The following KALRN variants were observed in gnomAD, a reference collection of about 807,000 sequenced individuals.
The protein encoded by KALRN is kalirin RhoGEF kinase.
A neutral mutation model predicts 353.7 loss-of-function variants in KALRN; 70 were observed. The observed-to-expected ratio is 0.20, with a 90% confidence interval of 0.16 to 0.24. The LOEUF (loss-of-function observed/expected upper bound fraction) is 0.24, where lower values mean the gene tolerates loss of function less well. Among genes scored for constraint, KALRN ranks in the 10% least tolerant of loss-of-function variants. The pLI, the probability that KALRN is intolerant of heterozygous loss-of-function variation, is 1.00. For synonymous variants in KALRN, 1,391 were observed against 1,434.8 expected (o/e 0.97, Z 0.69); for missense variants, 2,791 against 3,756.7 (o/e 0.74, Z 6.72).
At chr3:124,416,415 C>T (rs1272483252) in intron 14 of KALRN, among the ~76,000 whole-genome samples, 4 of 152,220 alleles carry the variant, frequency 2.6e-5, no homozygotes, top group Admixed American at 2.6e-4. Context: ...GGCTGCCCAC[C>T]CCCACAATAT....
At chr3:124,132,419 G>T (rs1407403004) in intron 1 of KALRN, among the ~76,000 whole-genome samples, 5 of 152,224 alleles carry the variant, frequency 3.3e-5, no homozygotes. Context: ...AAGAAACTTA[G>T]TGAGAGGGAG....
At chr3:124,519,624 G>T in intron 33 of KALRN, 2 of 985,396 alleles carry the variant, frequency 2.0e-6, no homozygotes, top group South Asian at 4.7e-5. Context: ...ATCTTATTGT[G>T]AGGATGTGAC....
chr3:124,245,867 T>C (rs563197516), intron 3 of KALRN, among the ~76,000 whole-genome samples: 24 of 152,296 alleles, frequency 1.6e-4, no homozygotes, highest in African/African-American at 4.3e-4. Flanking sequence ...ATCAGATTAC[T>C]TATTTTATGA....
At chr3:124,635,201 A>G (rs1003079650) in intron 36 of KALRN, among the ~76,000 whole-genome samples, 1 of 152,110 alleles carries the variant, frequency 6.6e-6, no homozygotes, top group African/African-American at 2.4e-5. Context: ...GGTTCCTGAG[A>G]CAGAAGTGCT....
chr3:124,041,518 G>A (rs1013744773), intron 1 of KALRN, among the ~76,000 whole-genome samples: 8 of 152,176 alleles, frequency 5.3e-5, no homozygotes, highest in Admixed American at 5.2e-4. Flanking sequence ...GGTTTCCCAA[G>A]GGGACTGGAT....
chr3:124,674,740 A>C, intron 49 of KALRN, 126 bp downstream of exon 49: 1 of 1,075,798 alleles, frequency 9.3e-7, no homozygotes, highest in Non-Finnish European at 1.3e-6. Context: ...CAACAGTACC[A>C]CAGAACCAGT....
At chr3:124,357,260 T>G (rs901341374) in intron 10 of KALRN, among the ~76,000 whole-genome samples, 2 of 152,226 alleles carry the variant, frequency 1.3e-5, no homozygotes, top group Non-Finnish European at 2.9e-5. Flanking sequence ...ATCTCTTGCT[T>G]GGAATACTGC....
rs368490476 is a variant in KALRN, at chr3:124,493,073, T to C, written c.4832+191T>C. Among the ~76,000 whole-genome samples the C allele has an allele frequency of 4.6e-5, 7 of 152,350 alleles. No homozygotes were observed. In the East Asian group the frequency reaches 5.8e-4, roughly 13 times the overall value. On this transcript the variant is annotated intron_variant, in intron 32 of 59. Transcript: ENST00000682506. ...TAGTGTCAAATTCAGCAGGGCTTCA[T>C]TGAGCACCTCTTATATGATAAACAC...
At position 124,413,566 on chromosome 3, in the gene KALRN, C is replaced by T. The variant is rs758760625; in HGVS notation, c.2443C>T (p.Arg815Cys). The T allele has an allele frequency of 6.0e-5, 97 of 1,613,928 alleles. No individual in the cohort carries two copies. Among genetic ancestry groups the T allele is most frequent in the Non-Finnish European group, 7.8e-5 (92 of 1,179,976 alleles). The change falls in exon 14 of 60, where the codon CGC (arginine) becomes TGC (cysteine). Residue 815 changes from arginine to cysteine, a missense_variant. Around this residue, in one of 11 missense-constraint regions of KALRN, gnomAD observed 452 missense variants for 575.8 expected, o/e 0.78. Transcript: ENST00000682506. ...DLTLAEQRLQ[R>C]HTERKLAMNN... ...AACCCTGGCAGAACAGCGGCTGCAG[C>T]GCCACACAGAACGGAAGCTAGCCAT...
At position 124,473,588 on chromosome 3, in the gene KALRN, A is replaced by G. The variant is rs576619123; in HGVS notation, c.4032-1075A>G. On this transcript the variant is annotated intron_variant, in intron 25 of 59. Transcript: ENST00000682506. ...CCAGAGTTCTTCCATATGAAAACAT[A>G]GAGAGCTGTGTCTTCTTTTCATAGC... Among the ~76,000 whole-genome samples the G allele has an allele frequency of 2.0e-5, 3 of 152,334 alleles. No homozygotes were observed. In the South Asian group the frequency reaches 6.2e-4, roughly 32 times the overall value.
In KALRN at chr3:124,717,358, C is replaced by T. The variant is rs2063175578; in HGVS notation, c.8388C>T (p.Asn2796=). Residue 2796 remains asparagine, a synonymous_variant, in exon 59 of 60, where the codon AAC becomes AAT. Coordinates refer to ENST00000682506, the MANE Select transcript of KALRN (RefSeq NM_001388419.1). ...TGGAGGCTCTGCAGTACCTTCACAA[C>T]TGCAGGGTTGCACATTTGGACATAA... ...DIMEALQYLH[N]CRVAHLDIKP... 1.9e-6 allele frequency: 3 copies of T among 1,608,372 alleles called. No individual in the cohort carries two copies. Among genetic ancestry groups the T allele is most frequent in the African/African-American group, 1.3e-5 (1 of 74,646 alleles).
chr3:124,105,962 T>C (rs936704595), intron 1 of KALRN, among the ~76,000 whole-genome samples: 1 of 152,238 alleles, frequency 6.6e-6, no homozygotes, highest in Non-Finnish European at 1.5e-5. Context: ...ACTGACAGTA[T>C]TCCAGGGACA....
intron 1 of KALRN, among the ~76,000 whole-genome samples, chr3:124,173,710 G>A (rs548088653): frequency 2.6e-4 from 39 of 152,270 alleles, no homozygotes; most frequent in African/African-American, 9.4e-4. Context: ...CTGACTCCCT[G>A]GTTCAAGCGA....
intron 51 of KALRN, among the ~76,000 whole-genome samples, chr3:124,682,167 C>T (rs1039724425): frequency 2.6e-5 from 4 of 152,178 alleles, no homozygotes; most frequent in Admixed American, 2.6e-4. Flanking sequence ...GGAGTGCATA[C>T]TGAAGAGAGA....
chr3:124,298,547 T>C (rs2077022385), intron 5 of KALRN, among the ~76,000 whole-genome samples: 1 of 152,184 alleles, frequency 6.6e-6, no homozygotes, highest in Admixed American at 6.5e-5. Flanking sequence ...ACTCATTTTC[T>C]CTTTTTCCCT....
At chr3:124,674,686 A>C in intron 49 of KALRN, 72 bp downstream of exon 49, 1 of 1,415,576 alleles carries the variant, frequency 7.1e-7, no homozygotes, top group Non-Finnish European at 9.4e-7. Flanking sequence ...ACAAAAGAAC[A>C]CAAAAATGCA....
chr3:124,509,524 G>A (rs551863702), intron 33 of KALRN, among the ~76,000 whole-genome samples: 80 of 152,180 alleles, frequency 5.3e-4, no homozygotes, highest in African/African-American at 1.9e-3. Context: ...AGTATTTTAG[G>A]GTACAGTTCA....
intron 1 of KALRN, among the ~76,000 whole-genome samples, chr3:124,069,550 G>T (rs2042678052): frequency 1.3e-5 from 2 of 152,176 alleles, no homozygotes; most frequent in African/African-American, 4.8e-5. Context: ...AGGCAGGCAG[G>T]TTGGATTTTT....
In KALRN at chr3:124,115,273, A is replaced by G. The variant is rs181119395; in HGVS notation, c.73+81460A>G. On this transcript the variant is annotated intron_variant, in intron 1 of 59. Transcript: ENST00000682506. ...TTGGGTGGGCTTTCGGTCCCATGCT[A>G]GGATTTTATTCAGTAGTCTATGGGC... Among the ~76,000 whole-genome samples, 1,334 of 152,332 alleles carry G rather than the reference A, an allele frequency of 8.8e-3. 6 individuals are homozygous for G. Among genetic ancestry groups the G allele is most frequent in the Non-Finnish European group, 0.014 (932 of 68,020 alleles).
Sources: allele counts gnomAD v4.1 joint callset (sites outside exome capture counted in the v4.1 genomes callset), GRCh38; gene constraint gnomAD v4.1.1; regional missense constraint gnomAD v4.1.1; transcripts MANE v1.5; gene names NCBI Gene and HGNC (gene_info 2026-07-23, HGNC 2026-07-21).